Variants in PTPRD observed in about 807,000 individuals in gnomAD.
PTPRD encodes protein tyrosine phosphatase receptor type D, also known as receptor-type tyrosine-protein phosphatase delta.
PTPRD carries 34 observed loss-of-function variants against 214.5 expected under a neutral mutation model. That is an observed-to-expected ratio of 0.16 (90% confidence interval 0.12 to 0.21). The LOEUF is 0.21. Ranked by LOEUF, PTPRD falls within the 10% of genes least tolerant of loss-of-function variation. PTPRD has a pLI of 1.00. For missense variants in PTPRD, 2,545 were observed against 2,398.7 expected (o/e 1.06, Z -1.27); for synonymous variants, 1,128 against 845.7 (o/e 1.33, Z -5.79).
At chr9:10,195,064 C>T (rs1311051131) in intron 3 of PTPRD, among the ~76,000 whole-genome samples, 1 of 147,764 alleles carries the variant, frequency 6.8e-6, no homozygotes, top group African/African-American at 2.5e-5. Flanking sequence ...TTCCAAGTAG[C>T]TGGCACTACA....
At chr9:9,300,290 C>G (rs1389199653) in intron 9 of PTPRD, among the ~76,000 whole-genome samples, 1 of 151,616 alleles carries the variant, frequency 6.6e-6, no homozygotes, top group African/African-American at 2.4e-5. Flanking sequence ...TTCTCTGGAA[C>G]TAATTTGTAT....
chr9:10,159,563 T>C lies in PTPRD; in HGVS notation c.-544-125773A>G, dbSNP rs146408658. ...AGACAGTAATATATGAACTCCTTGA[T>C]AAATAATTTAAAATATCAATTTTAA... On this transcript the variant is annotated intron_variant, in intron 3 of 45. Coordinates refer to ENST00000381196, the MANE Select transcript of PTPRD (RefSeq NM_002839.4). Among the ~76,000 whole-genome samples the C allele has an allele frequency of 1.6e-3, 249 of 152,196 alleles. 2 individuals are homozygous for C. Among genetic ancestry groups the C allele is most frequent in the African/African-American group, 5.8e-3 (240 of 41,560 alleles).
At chr9:9,295,786 G>T (rs566253557) in intron 9 of PTPRD, among the ~76,000 whole-genome samples, 1 of 151,746 alleles carries the variant, frequency 6.6e-6, no homozygotes, top group Non-Finnish European at 1.5e-5. Context: ...ACGGAAGCTT[G>T]TCTGTGACTC....
At chr9:8,593,412 G>C (rs905323832) in intron 14 of PTPRD, among the ~76,000 whole-genome samples, 2 of 152,130 alleles carry the variant, frequency 1.3e-5, no homozygotes, top group South Asian at 4.1e-4. Context: ...CTTGTTTATT[G>C]TAAGCTTGCC....
chr9:8,362,278 A>C (rs967404813), intron 39 of PTPRD, among the ~76,000 whole-genome samples: 7 of 152,212 alleles, frequency 4.6e-5, no homozygotes, highest in Non-Finnish European at 2.9e-5. Flanking sequence ...GGTTTTGCTA[A>C]GCTTGTAGCT....
intron 8 of PTPRD, among the ~76,000 whole-genome samples, chr9:9,520,873 A>G (rs1303980235): frequency 1.3e-5 from 2 of 152,120 alleles, no homozygotes; most frequent in Non-Finnish European, 2.9e-5. Context: ...GCAGTCTATG[A>G]CCTGAAGAAG....
At chr9:10,037,132 C>T (rs2097199219) in intron 3 of PTPRD, among the ~76,000 whole-genome samples, 1 of 151,784 alleles carries the variant, frequency 6.6e-6, no homozygotes, top group Admixed American at 6.6e-5. Context: ...CTCAAGCAGT[C>T]CTTCTGCCTC....
chr9:8,780,401 G>A (rs371904013), intron 11 of PTPRD, among the ~76,000 whole-genome samples: 95 of 152,216 alleles, frequency 6.2e-4, no homozygotes, highest in African/African-American at 1.7e-3. Flanking sequence ...CAATAGCCAA[G>A]AATTTGAACT....
At chr9:8,331,112 A>AAATTGCATTTTTTAAC (rs1218573279) in intron 44 of PTPRD, among the ~76,000 whole-genome samples, 3 of 152,100 alleles carry the variant, frequency 2.0e-5, no homozygotes, top group Non-Finnish European at 2.9e-5. Context: ...ATTTTCAAGC[A>AAATTGCATTTTTTAAC]AATTGCATTT....
chr9:9,005,152 C>T (rs2099454906), intron 11 of PTPRD, among the ~76,000 whole-genome samples: 1 of 151,996 alleles, frequency 6.6e-6, no homozygotes, highest in African/African-American at 2.4e-5. Context: ...GAAGCAAGCT[C>T]AACTAGCTTA....
intron 9 of PTPRD, among the ~76,000 whole-genome samples, chr9:9,357,837 C>G (rs1032527257): frequency 6.7e-6 from 1 of 149,026 alleles, no homozygotes; most frequent in Non-Finnish European, 1.5e-5. Flanking sequence ...ATTGATTGGA[C>G]TTGAGTCTTT....
intron 14 of PTPRD, among the ~76,000 whole-genome samples, chr9:8,575,615 T>C (rs2092227020): frequency 6.6e-6 from 1 of 152,186 alleles, no homozygotes; most frequent in Non-Finnish European, 1.5e-5. Flanking sequence ...ATTCGTTTAT[T>C]TGGTAAGCAA....
At chr9:9,805,597 T>C (rs1052964484) in intron 5 of PTPRD, among the ~76,000 whole-genome samples, 1 of 152,190 alleles carries the variant, frequency 6.6e-6, no homozygotes, top group Non-Finnish European at 1.5e-5. Context: ...AACTCAGGGT[T>C]TATACATACT....
At chr9:10,465,168 T>C (rs1174427034) in intron 2 of PTPRD, among the ~76,000 whole-genome samples, 2 of 152,172 alleles carry the variant, frequency 1.3e-5, no homozygotes, top group South Asian at 2.1e-4. Flanking sequence ...TCCTGGTTAG[T>C]AATACATAAT....
Position 9,365,589 on chromosome 9 carries a change from T to G in PTPRD, c.-203+31860A>C, listed in dbSNP as rs145134868. 1.1e-3 allele frequency among the ~76,000 whole-genome samples: 163 copies of G among 151,626 alleles called. 5 individuals carry two copies. The East Asian group carries it at 0.027, about 25-fold the overall frequency. On this transcript the variant is annotated intron_variant, in intron 9 of 45. Transcript: ENST00000381196. ...TGGCCAATACAACTAAATGGACAGC[T>G]GTTCATACTGGTTTAAAATACATTA...
intron 11 of PTPRD, among the ~76,000 whole-genome samples, chr9:8,904,152 T>C (rs2154254156): frequency 6.6e-6 from 1 of 152,336 alleles, no homozygotes; most frequent in African/African-American, 2.4e-5. Flanking sequence ...CTTTCTTTCC[T>C]AAAACATTTG....
At chr9:9,860,872 A>C (rs9407450) in intron 5 of PTPRD, among the ~76,000 whole-genome samples, 81,522 of 152,028 alleles carry the variant, frequency 0.54, 23,130 homozygotes, top group Middle Eastern at 0.67. Context: ...TTCTTTAACT[A>C]GCATCACAAA....
intron 3 of PTPRD, among the ~76,000 whole-genome samples, chr9:10,105,889 AC>A (rs2098625409): frequency 6.6e-6 from 1 of 151,474 alleles, no homozygotes; most frequent in South Asian, 2.1e-4. Context: ...TATGCTTTTT[AC>A]TTGGAAACAC....
At chr9:8,599,847 C>T (rs1026493088) in intron 14 of PTPRD, among the ~76,000 whole-genome samples, 5 of 152,090 alleles carry the variant, frequency 3.3e-5, no homozygotes, top group Non-Finnish European at 5.9e-5. Flanking sequence ...AAATTCCCTA[C>T]CTCAGATGAT....
Sources: gnomAD v4.1 joint callset for allele counts (sites outside exome capture counted in the v4.1 genomes callset) on GRCh38, gnomAD v4.1.1 for gene constraint, MANE v1.5 for transcripts, NCBI Gene and HGNC (gene_info 2026-07-23, HGNC 2026-07-21) for gene names.